The following STRN variants were observed in gnomAD, a reference collection of about 807,000 sequenced individuals.
The protein encoded by STRN is protein phosphatase 2 regulatory subunit B'''alpha.
STRN carries 53 observed loss-of-function variants against 96.3 expected under a neutral mutation model. The ratio of observed to expected loss-of-function variants is 0.55; its 90% CI spans 0.44 to 0.69. The LOEUF (loss-of-function observed/expected upper bound fraction) is 0.69, where lower values mean the gene tolerates loss of function less well. Among genes scored for constraint, STRN ranks in the 30% least tolerant of loss-of-function variants. The pLI is 0.00. For synonymous variants in STRN, 428 were observed against 355.9 expected (o/e 1.20, Z -2.28); for missense variants, 987 against 963.9 (o/e 1.02, Z -0.32).
At chr2:36,908,412 T>C (rs956197665) in intron 3 of STRN, among the ~76,000 whole-genome samples, 3 of 152,196 alleles carry the variant, frequency 2.0e-5, no homozygotes, top group African/African-American at 7.2e-5. Flanking sequence ...TTATTCTAAG[T>C]GAATAAGCCA....
chr2:36,853,927 T>C (rs1668280415), intron 15 of STRN, among the ~76,000 whole-genome samples: 1 of 152,236 alleles, frequency 6.6e-6, no homozygotes. Flanking sequence ...TTTATTCCAG[T>C]AATGTTGCCT....
At chr2:36,965,711 A>G (rs1443058529) in intron 1 of STRN, among the ~76,000 whole-genome samples, 1 of 152,180 alleles carries the variant, frequency 6.6e-6, no homozygotes, top group African/African-American at 2.4e-5. Context: ...TGATATATGA[A>G]TAACACTTTT....
At chr2:36,920,801 G>A (rs1188372919) in intron 2 of STRN, among the ~76,000 whole-genome samples, 1 of 151,974 alleles carries the variant, frequency 6.6e-6, no homozygotes, top group African/African-American at 2.4e-5. Context: ...ACTCTGCCAG[G>A]CGCGGTGGCT....
chr2:36,901,238 T>C (rs1669673879), intron 5 of STRN, among the ~76,000 whole-genome samples: 1 of 152,144 alleles, frequency 6.6e-6, no homozygotes, highest in Admixed American at 6.5e-5. Flanking sequence ...TATTAAAGTA[T>C]GCATTATAGT....
At chr2:36,866,781 C>T (rs1668640399) in intron 12 of STRN, among the ~76,000 whole-genome samples, 1 of 151,854 alleles carries the variant, frequency 6.6e-6, no homozygotes, top group South Asian at 2.1e-4. Context: ...CATGTAATGC[C>T]CTCCTTTGTC....
intron 12 of STRN, among the ~76,000 whole-genome samples, chr2:36,863,461 G>A (rs1044689490): frequency 1.3e-5 from 2 of 152,166 alleles, no homozygotes. Context: ...TGTCAACTTT[G>A]TCGAAGATTA....
intron 1 of STRN, among the ~76,000 whole-genome samples, chr2:36,937,375 AAAAG>A (rs1354748073): frequency 6.6e-6 from 1 of 151,850 alleles, no homozygotes; most frequent in Non-Finnish European, 1.5e-5. Context: ...AAAAGAAAGA[AAAAG>A]AAAAAGAGGT....
chr2:36,900,848 G>A (rs1259787631), intron 5 of STRN, among the ~76,000 whole-genome samples: 9 of 152,092 alleles, frequency 5.9e-5, no homozygotes, highest in Admixed American at 4.6e-4. Context: ...AGCTGAGATC[G>A]TGCCACTGCA....
At chr2:36,906,644 G>C (rs1395165425) in intron 3 of STRN, among the ~76,000 whole-genome samples, 2 of 151,780 alleles carry the variant, frequency 1.3e-5, no homozygotes, top group African/African-American at 4.8e-5. Context: ...ACTTCAGGTA[G>C]GCCAGGCGTG....
chr2:36,944,496 A>G (rs1670930367), intron 1 of STRN, among the ~76,000 whole-genome samples: 1 of 152,160 alleles, frequency 6.6e-6, no homozygotes, highest in African/African-American at 2.4e-5. Flanking sequence ...ACATAAGCCC[A>G]TGTCTGTTAT....
At chr2:36,874,071 C>T (rs1038299577) in intron 10 of STRN, among the ~76,000 whole-genome samples, 9 of 150,604 alleles carry the variant, frequency 6.0e-5, no homozygotes, top group African/African-American at 1.2e-4. Context: ...CTGGCTAACA[C>T]GGTGAAAACC....
chr2:36,858,566 T>C (rs1668406098), intron 13 of STRN, among the ~76,000 whole-genome samples: 1 of 152,220 alleles, frequency 6.6e-6, no homozygotes, highest in Non-Finnish European at 1.5e-5. Flanking sequence ...GTAACTGAGA[T>C]GCAGTGATAG....
chr2:36,869,432 G>A (rs1668709408), intron 11 of STRN, 122 bp downstream of exon 11: 1 of 953,176 alleles, frequency 1.0e-6, no homozygotes, highest in African/African-American at 1.7e-5. Context: ...TAAATTACAT[G>A]ACATGGAAGA....
chr2:36,857,467 G>C (rs1668374365), intron 14 of STRN, among the ~76,000 whole-genome samples: 1 of 151,920 alleles, frequency 6.6e-6, no homozygotes, highest in African/African-American at 2.4e-5. Context: ...TTGAGGTCAG[G>C]AGTTCCAGAC....
chr2:36,920,264 T>C (rs1254572283), intron 2 of STRN, among the ~76,000 whole-genome samples: 1 of 152,200 alleles, frequency 6.6e-6, no homozygotes, highest in Non-Finnish European at 1.5e-5. Context: ...CACAAATAAA[T>C]GCTTTTTAAA....
At chr2:36,897,469 T>A (rs1669573578) in intron 6 of STRN, among the ~76,000 whole-genome samples, 1 of 151,100 alleles carries the variant, frequency 6.6e-6, no homozygotes, top group Non-Finnish European at 1.5e-5. Context: ...ACAGTCTCGC[T>A]CTGTCACCCA....
intron 1 of STRN, among the ~76,000 whole-genome samples, chr2:36,957,466 T>C (rs960847937): frequency 5.3e-5 from 8 of 152,032 alleles, no homozygotes; most frequent in Non-Finnish European, 1.2e-4. Context: ...TGCACACCTA[T>C]AGTCCCAGCC....
chr2:36,916,629 T>C (rs894032040), intron 2 of STRN, among the ~76,000 whole-genome samples: 1 of 152,162 alleles, frequency 6.6e-6, no homozygotes, highest in Non-Finnish European at 1.5e-5. Flanking sequence ...TTGCCAAATA[T>C]GCATTATACT....
chr2:36,942,730 C>G (rs918609295), intron 1 of STRN, among the ~76,000 whole-genome samples: 1 of 151,994 alleles, frequency 6.6e-6, no homozygotes, highest in African/African-American at 2.4e-5. Context: ...GAGTCTTGCT[C>G]TGTTGCCCAG....
Sources: allele counts gnomAD v4.1 joint callset (sites outside exome capture counted in the v4.1 genomes callset), GRCh38; gene constraint gnomAD v4.1.1; transcripts MANE v1.5; gene names NCBI Gene and HGNC (gene_info 2026-07-23, HGNC 2026-07-21).